ZMIZ2: variants seen among roughly 807,000 people sequenced by gnomAD.
The protein encoded by ZMIZ2 is zinc finger MIZ-type containing 2, also known as zinc finger MIZ domain-containing protein 2.
ZMIZ2 carries 26 observed loss-of-function variants against 93.9 expected under a neutral mutation model. The observed-to-expected ratio is 0.28, with a 90% CI of 0.20 to 0.38. The LOEUF (loss-of-function observed/expected upper bound fraction) is 0.38, where lower values mean the gene tolerates loss of function less well. Among genes scored for constraint, ZMIZ2 ranks in the 10% least tolerant of loss-of-function variants. The pLI is 1.00. For missense variants in ZMIZ2, 1,023 were observed against 1,235.0 expected, an observed-to-expected ratio of 0.83 and a Z score of 2.57; for synonymous variants, 485 against 516.4, an observed-to-expected ratio of 0.94 and a Z score of 0.82.
chr7:44,753,644 G>T, intron 1 of ZMIZ2, among the ~76,000 whole-genome samples: 1 of 152,144 alleles, frequency 6.6e-6, no homozygotes, highest in East Asian at 1.9e-4. Context: ...CCTCTTAGCA[G>T]GGCCTTTCCC....
chr7:44,755,327 T>A (rs1016207862), intron 1 of ZMIZ2, among the ~76,000 whole-genome samples: 3 of 152,004 alleles, frequency 2.0e-5, no homozygotes, highest in African/African-American at 7.2e-5. Flanking sequence ...CCACCCTCCA[T>A]CTATTGTGCT....
At chr7:44,764,115 G>T (rs1791462652) in intron 13 of ZMIZ2, among the ~76,000 whole-genome samples, 2 of 152,156 alleles carry the variant, frequency 1.3e-5, no homozygotes, top group Admixed American at 6.5e-5. Flanking sequence ...TCCAGCCTGG[G>T]TGACAGAGCG....
intron 4 of ZMIZ2, 46 bp from the exon 5 acceptor site, chr7:44,757,332 C>G (rs1383495576): frequency 6.3e-7 from 1 of 1,583,476 alleles, no homozygotes; most frequent in African/African-American, 1.3e-5. Flanking sequence ...AGTCCTGGCC[C>G]TCATGAGCCC....
intron 14 of ZMIZ2, 129 bp downstream of exon 14, chr7:44,764,615 G>T (rs774547112): frequency 7.3e-5 from 77 of 1,052,388 alleles, no homozygotes; most frequent in Admixed American, 3.0e-4. Flanking sequence ...GACTGGGGTT[G>T]TGCAGCTCAG....
At chr7:44,764,901 G>T (rs1361145931) in intron 14 of ZMIZ2, 40 bp from the exon 15 acceptor site, 1 of 1,610,288 alleles carries the variant, frequency 6.2e-7, no homozygotes, top group South Asian at 1.1e-5. Context: ...GGACAGGGTT[G>T]TGCAAGGTCT....
chr7:44,759,929 G>A (rs1353491011), intron 7 of ZMIZ2: 2 of 581,352 alleles, frequency 3.4e-6, no homozygotes, highest in Non-Finnish European at 3.0e-6. Context: ...GGGGAGGAGA[G>A]GAGGAGGGCT....
At chr7:44,756,068 G>C (rs1438339282) in intron 1 of ZMIZ2, 120 bp from the exon 2 acceptor site, 1 of 763,242 alleles carries the variant, frequency 1.3e-6, no homozygotes, top group Non-Finnish European at 2.2e-6. Context: ...CCTGCCATCA[G>C]AGCCCAGGGG....
chr7:44,749,445 C>A (rs1789941556), intron 1 of ZMIZ2, among the ~76,000 whole-genome samples: 1 of 152,208 alleles, frequency 6.6e-6, no homozygotes, highest in Non-Finnish European at 1.5e-5. Flanking sequence ...ACCAGCACGG[C>A]GATGTGGGGG....
Position 44,764,457 on chromosome 7 carries a change from G to A in ZMIZ2, c.1899G>A (p.Glu633=). 6.2e-7 allele frequency: 1 copy of A among 1,614,206 alleles called. No individual in the cohort carries two copies. Among genetic ancestry groups the A allele is most frequent in the Non-Finnish European group, 8.5e-7 (1 of 1,180,024 alleles). The change falls in exon 14 of 19, where the codon GAG becomes GAA. Residue 633 remains glutamate (E), a synonymous_variant. Transcript: ENST00000309315. The stretch of plus-strand genomic sequence containing the variant: ...AGTCGTACCTGCAGCTCAACTGTGA[G>A]CGGGGGACTTGGAGGTGTCCTGTGT... ...DLESYLQLNC[E]RGTWRCPVCN... is the part of the protein sequence containing the mutation.
rs1394344003 is a variant in ZMIZ2, at chr7:44,766,340, G to C, written c.2412+7G>C. 3 of 1,601,052 alleles carry C rather than the reference G, an allele frequency of 1.9e-6. No homozygotes were observed. The highest frequency in any genetic ancestry group is 1.7e-6 in the Non-Finnish European group (2 of 1,172,644). ...CGCCTGCCTCCCAAGCCAGGTCAGT[G>C]CCAAGCCGAGAGGCCAAGGGGCCCT... is the stretch of plus-strand genomic sequence containing the variant. On this transcript the variant is annotated splice_region_variant and intron_variant, in intron 17 of 18. Coordinates refer to ENST00000309315, the MANE Select transcript of ZMIZ2 (RefSeq NM_031449.4). This position sits in a 1 kb window ranked among gnomAD's most constrained non-coding sequence, Gnocchi z 4.4.
intron 6 of ZMIZ2, among the ~76,000 whole-genome samples, chr7:44,758,949 G>T (rs1212355804): frequency 6.6e-6 from 1 of 151,412 alleles, no homozygotes; most frequent in Non-Finnish European, 1.5e-5. Context: ...GGGCGTGGTG[G>T]TGTGCACCTG....
chr7:44,767,475 T>C, intron 18 of ZMIZ2, 41 bp from the exon 19 acceptor site: 1 of 1,534,238 alleles, frequency 6.5e-7, no homozygotes, highest in Non-Finnish European at 9.0e-7. Context: ...GTGTGGCCAG[T>C]CAGTGACCAA....
intron 7 of ZMIZ2, chr7:44,759,934 A>G (rs906540564): frequency 1.7e-5 from 10 of 580,670 alleles, no homozygotes; most frequent in Admixed American, 6.5e-5. Context: ...GGAGAGGAGG[A>G]GGGCTTAGCG....
At position 44,761,823 on chromosome 7, in the gene ZMIZ2, C is replaced by G. The variant is rs1791211665; in HGVS notation, c.1514C>G (p.Thr505Ser). 1 of 1,613,572 alleles carries G rather than the reference C, an allele frequency of 6.2e-7. No homozygotes were observed. The highest frequency in any genetic ancestry group is 1.1e-5 in the South Asian group (1 of 91,094). Residue 505 changes from threonine (T) to serine (S), a missense_variant, in exon 11 of 19, where the codon ACC becomes AGC. This residue lies in a region of ZMIZ2 where 656 missense variants were observed against 777.1 expected (regional missense o/e 0.84). Transcript: ENST00000309315. The surrounding 1 kb of genome is among the most constrained non-coding windows in gnomAD (Gnocchi z 5.8). ...PLTIERGDNK[T>S]SHKPLYLKHV... The stretch of plus-strand genomic sequence containing the variant: ...ACCATCGAGCGTGGCGACAACAAGA[C>G]CTCGCACAAGCCACTCTACCTGAAG...
chr7:44,764,823 C>A (rs901548925), intron 14 of ZMIZ2, 118 bp from the exon 15 acceptor site: 4 of 1,035,134 alleles, frequency 3.9e-6, no homozygotes, highest in African/African-American at 3.2e-5. Flanking sequence ...TGTTCAGTTG[C>A]CTCACACAGG....
chr7:44,756,574 CAG>C (rs1562726390), intron 3 of ZMIZ2, 35 bp downstream of exon 3: 2 of 1,606,214 alleles, frequency 1.2e-6, no homozygotes, highest in South Asian at 1.1e-5. Flanking sequence ...CCCGAGCAGA[CAG>C]AGCCTCCCAG....
intron 1 of ZMIZ2, among the ~76,000 whole-genome samples, chr7:44,753,111 G>A (rs1396408120): frequency 6.6e-6 from 1 of 152,082 alleles, no homozygotes; most frequent in African/African-American, 2.4e-5. Context: ...TAGTGATGCT[G>A]AGCATCTTTT....
At chr7:44,759,797 C>T (rs1790982528) in intron 7 of ZMIZ2, 1 of 448,274 alleles carries the variant, frequency 2.2e-6, no homozygotes, top group Admixed American at 4.0e-5. Flanking sequence ...GTCATTCCTT[C>T]TACTTGCTGC....
intron 1 of ZMIZ2, among the ~76,000 whole-genome samples, chr7:44,754,392 C>T (rs575843882): frequency 6.6e-6 from 1 of 152,182 alleles, no homozygotes; most frequent in Non-Finnish European, 1.5e-5. Context: ...TCAAGTCTTG[C>T]CTCCCCTGAG....
Sources: gnomAD v4.1 joint callset for allele counts (sites outside exome capture counted in the v4.1 genomes callset) on GRCh38, gnomAD v4.1.1 for gene constraint, gnomAD v4.1.1 regional missense constraint, Gnocchi (gnomAD v3.1) non-coding constraint, MANE v1.5 for transcripts, NCBI Gene and HGNC (gene_info 2026-07-23, HGNC 2026-07-21) for gene names.